The following ATG4A variants were observed in gnomAD, a reference collection of about 807,000 sequenced individuals.
ATG4A encodes autophagy related 4A cysteine peptidase.
A neutral mutation model predicts 38.4 loss-of-function variants in ATG4A; 22 were observed. The ratio of observed to expected loss-of-function variants is 0.57; its 90% CI spans 0.41 to 0.82. The LOEUF is 0.82. ATG4A is among the 40% of genes least tolerant of loss of function. ATG4A has a pLI of 0.00. For missense variants in ATG4A, 220 were observed against 290.0 expected, an observed-to-expected ratio of 0.76 and a Z score of 1.75; for synonymous variants, 86 against 100.7, an observed-to-expected ratio of 0.85 and a Z score of 0.88.
chrX:108,094,267 A>C (rs1030531684), intron 1 of ATG4A, among the ~76,000 whole-genome samples: 2 of 111,955 alleles, frequency 1.8e-5, no homozygotes, highest in African/African-American at 3.3e-5. Context: ...GTGAGAGTCT[A>C]AATTCATCTT....
intron 1 of ATG4A, among the ~76,000 whole-genome samples, chrX:108,101,495 T>G (rs2032011740): frequency 9.2e-6 from 1 of 109,060 alleles, no homozygotes; most frequent in South Asian, 3.9e-4. Context: ...TTTCAGACAT[T>G]TCTTCTTCCC....
In ATG4A at chrX:108,152,752, C is replaced by T. The variant is rs143289766; in HGVS notation, c.1018-227C>T. ...ATGGAGAATAGGCAGTGAGTGCTGG[C>T]CTTCATCAGATACTCCCCGCAAAGT... On this transcript the variant is annotated intron_variant, in intron 11 of 12. Transcript: ENST00000372232. Among the ~76,000 whole-genome samples the T allele has an allele frequency of 6.3e-3, 703 of 111,381 alleles. 6 individuals carry two copies. Among genetic ancestry groups the T allele is most frequent in the Middle Eastern group, 0.014 (3 of 217 alleles).
intron 9 of ATG4A, among the ~76,000 whole-genome samples, chrX:108,148,584 G>A (rs2033498469): frequency 9.1e-6 from 1 of 109,812 alleles, no homozygotes; most frequent in South Asian, 4.0e-4. Flanking sequence ...AGTCAGAGAA[G>A]ATGTTATTAT....
chrX:108,092,046 G>A (rs957193110), intron 1 of ATG4A, among the ~76,000 whole-genome samples: 1 of 111,136 alleles, frequency 9.0e-6, no homozygotes, highest in African/African-American at 3.3e-5. Context: ...GCTCGAACCG[G>A]TGACTGTGGC....
intron 1 of ATG4A, among the ~76,000 whole-genome samples, chrX:108,102,765 A>G (rs1231933785): frequency 5.5e-5 from 6 of 109,585 alleles, no homozygotes; most frequent in Non-Finnish European, 1.1e-4. Context: ...ATGTGGGTAT[A>G]AAGTTTTACT....
chrX:108,140,560 C>G (rs761811443), intron 9 of ATG4A, among the ~76,000 whole-genome samples: 1 of 104,912 alleles, frequency 9.5e-6, no homozygotes, highest in East Asian at 2.9e-4. Context: ...TACACACACA[C>G]ACACACACAT....
chrX:108,105,375 C>T (rs908878175), intron 1 of ATG4A, among the ~76,000 whole-genome samples: 10 of 110,904 alleles, frequency 9.0e-5, no homozygotes, highest in African/African-American at 3.3e-4. Flanking sequence ...TTTACAGGAG[C>T]TTATAATCAC....
chrX:108,104,604 T>C (rs148703456), intron 1 of ATG4A, among the ~76,000 whole-genome samples: 1 of 112,008 alleles, frequency 8.9e-6, no homozygotes, highest in African/African-American at 3.2e-5. Flanking sequence ...GACAATCTGA[T>C]TACAATGTTT....
chrX:108,152,567 A>G (rs2033617414), intron 11 of ATG4A, among the ~76,000 whole-genome samples: 1 of 111,858 alleles, frequency 8.9e-6, no homozygotes, highest in African/African-American at 3.3e-5. Context: ...TATACCATAC[A>G]TGTTGGACTG....
chrX:108,110,614 A>G (rs1304711176), intron 1 of ATG4A, among the ~76,000 whole-genome samples: 14 of 111,692 alleles, frequency 1.3e-4, no homozygotes, highest in Admixed American at 9.5e-4. Context: ...TACACTCATT[A>G]GCCTCTAGTA....
intron 7 of ATG4A, 144 bp from the exon 8 acceptor site, chrX:108,137,660 G>C: frequency 2.0e-6 from 1 of 512,264 alleles, no homozygotes; most frequent in Non-Finnish European, 3.1e-6. Flanking sequence ...TGCAGGCGGG[G>C]AGTCAGCTGA....
intron 9 of ATG4A, among the ~76,000 whole-genome samples, chrX:108,146,729 A>G (rs896506109): frequency 4.9e-4 from 55 of 111,666 alleles, no homozygotes; most frequent in African/African-American, 1.7e-3. Context: ...CACCATCCCA[A>G]TCTCCCTAAG....
At chrX:108,095,736 A>AGTCTCACTCTG (rs2031796911) in intron 1 of ATG4A, among the ~76,000 whole-genome samples, 2 of 96,567 alleles carry the variant, frequency 2.1e-5, no homozygotes, top group African/African-American at 7.9e-5. Context: ...TTGGAGACAA[A>AGTCTCACTCTG]GTCTCACTCT....
chrX:108,128,923 A>G, intron 3 of ATG4A, 71 bp downstream of exon 3: 1 of 710,072 alleles, frequency 1.4e-6, no homozygotes, highest in South Asian at 3.0e-5. Context: ...CAGTGACTTC[A>G]TAGAAACCTC....
At chrX:108,109,126 G>GT (rs2032280400) in intron 1 of ATG4A, among the ~76,000 whole-genome samples, 1 of 111,778 alleles carries the variant, frequency 8.9e-6, no homozygotes, top group African/African-American at 3.2e-5. Flanking sequence ...AATCTCACCA[G>GT]TGGTGCACAG....
At chrX:108,090,434 T>C (rs1196927016), upstream of ATG4A, among the ~76,000 whole-genome samples, 4 of 112,472 alleles carry the variant, frequency 3.6e-5, no homozygotes, top group African/African-American at 1.3e-4. Context: ...TAAATCTTAA[T>C]ATAAAGTATT....
At chrX:108,093,666 C>A (rs999119322) in intron 1 of ATG4A, among the ~76,000 whole-genome samples, 1 of 112,284 alleles carries the variant, frequency 8.9e-6, no homozygotes, top group Non-Finnish European at 1.9e-5. Flanking sequence ...ATGGCAGCAA[C>A]ATTTTGCACT....
chrX:108,121,861 G>A (rs4557869), intron 1 of ATG4A, among the ~76,000 whole-genome samples: 1 of 111,664 alleles, frequency 9.0e-6, no homozygotes, highest in East Asian at 2.8e-4. Flanking sequence ...AAAGTTTATG[G>A]AATGAAATAT....
intron 1 of ATG4A, among the ~76,000 whole-genome samples, chrX:108,112,174 G>T (rs1336774917): frequency 9.0e-6 from 1 of 111,347 alleles, no homozygotes; most frequent in African/African-American, 3.3e-5. Context: ...ATTTTAAAAT[G>T]TATAATTGAA....
Sources: allele counts gnomAD v4.1 joint callset (sites outside exome capture counted in the v4.1 genomes callset), GRCh38; gene constraint gnomAD v4.1.1; transcripts MANE v1.5; gene names NCBI Gene and HGNC (gene_info 2026-07-23, HGNC 2026-07-21).